Variants in C2CD3 observed in about 807,000 individuals in gnomAD.
C2CD3 encodes C2 domain containing 3 centriole elongation regulator.
In C2CD3, 148 loss-of-function variants were observed where a neutral mutation model predicts 234.0. The ratio of observed to expected loss-of-function variants is 0.63; its 90% CI spans 0.55 to 0.72. C2CD3 has a LOEUF of 0.72. C2CD3 is among the 30% of genes least tolerant of loss of function. The probability of loss-of-function intolerance (pLI) is 0.00; values close to 1 mark genes in which losing one functional copy is unlikely to be tolerated. For synonymous variants in C2CD3, 1,000 were observed against 1,035.4 expected, an observed-to-expected ratio of 0.97 and a Z score of 0.66; for missense variants, 2,577 against 2,811.5, an observed-to-expected ratio of 0.92 and a Z score of 1.89.
rs1045575615 is a variant in C2CD3 at position 74,148,580 on chromosome 11, G to A, written c.484-8752C>T. On this transcript the variant is annotated intron_variant, in intron 3 of 32. Transcript: ENST00000334126. ...AGTTGATTTCTTTTACAGCCAGTCT[G>A]CTTGACTCATTTATTTTTTTTGACA... 2.0e-5 allele frequency among the ~76,000 whole-genome samples: 3 copies of A among 152,064 alleles called. No individual in the cohort carries two copies. In the South Asian group the frequency reaches 6.2e-4, roughly 32 times the overall value.
chr11:74,157,254 G>A (rs909252039), intron 3 of C2CD3, among the ~76,000 whole-genome samples: 12 of 152,114 alleles, frequency 7.9e-5, no homozygotes, highest in African/African-American at 2.7e-4. Flanking sequence ...ATACTAGACT[G>A]AAGCATATAG....
chr11:74,051,852 T>C (rs1461728170), intron 26 of C2CD3, among the ~76,000 whole-genome samples: 1 of 152,200 alleles, frequency 6.6e-6, no homozygotes, highest in Non-Finnish European at 1.5e-5. Flanking sequence ...CCCTAGTACT[T>C]AGCATGGTGC....
At chr11:74,090,571 T>C (rs556228305) in intron 20 of C2CD3, among the ~76,000 whole-genome samples, 2 of 152,316 alleles carry the variant, frequency 1.3e-5, no homozygotes, top group Non-Finnish European at 2.9e-5. Flanking sequence ...TAAGACTAAG[T>C]TGTTAAGAAA....
intron 2 of C2CD3, among the ~76,000 whole-genome samples, chr11:74,165,792 C>T (rs1317499595): frequency 6.6e-6 from 1 of 152,088 alleles, no homozygotes; most frequent in East Asian, 1.9e-4. Context: ...GTAGCTGGGA[C>T]TACAGGTGTG....
intron 10 of C2CD3, 129 bp downstream of exon 10, chr11:74,114,255 T>C (rs1590842176): frequency 2.9e-6 from 2 of 694,336 alleles, no homozygotes; most frequent in South Asian, 1.8e-5. Context: ...GGATTCAATA[T>C]ATTTCTGTAG....
intron 3 of C2CD3, among the ~76,000 whole-genome samples, chr11:74,156,147 G>A (rs1268164474): frequency 2.6e-5 from 4 of 151,986 alleles, no homozygotes; most frequent in Admixed American, 6.6e-5. Flanking sequence ...GGTGGTGCAC[G>A]CCTGTAGTCC....
chr11:74,069,240 C>T (rs1954687209), intron 24 of C2CD3, among the ~76,000 whole-genome samples: 1 of 152,228 alleles, frequency 6.6e-6, no homozygotes, highest in South Asian at 2.1e-4. Context: ...AAGAAATCAG[C>T]TTGGGAGAGC....
At position 74,090,922 on chromosome 11, in the gene C2CD3, C is replaced by A. The variant is rs1265558237; in HGVS notation, c.3532G>T (p.Gly1178Cys). 1 of 1,613,876 alleles carries A rather than the reference C, an allele frequency of 6.2e-7. No homozygotes were observed. The highest frequency in any genetic ancestry group is 8.5e-7 in the Non-Finnish European group (1 of 1,179,928). ...RNQSSGLLDV[G>C]LRYRRSPRTA... ...CTTGGACTACGCCTGTACCTTAGGC[C>A]CACATCCAGTAAACCTGAAGAATGA... Residue 1178 changes from glycine to cysteine, a missense_variant, in exon 20 of 33, where the codon GGC (glycine) becomes TGC (cysteine). Gly to Cys is a radical substitution (Grantham distance 159). Coordinates refer to ENST00000334126, the MANE Select transcript of C2CD3 (RefSeq NM_001286577.2).
chr11:74,041,414 T>C (rs925587535), intron 29 of C2CD3, among the ~76,000 whole-genome samples: 3 of 152,156 alleles, frequency 2.0e-5, no homozygotes, highest in Non-Finnish European at 4.4e-5. Flanking sequence ...TCTTTAAATC[T>C]TTCCAGGAAC....
At chr11:74,129,628 C>A (rs11236011) in intron 7 of C2CD3, 3 of 146,774 alleles carry the variant, frequency 2.0e-5, no homozygotes, top group Non-Finnish European at 4.0e-5. Flanking sequence ...ACATCCCAGA[C>A]GATGGGCGGC....
At chr11:74,156,125 T>A (rs1855999833) in intron 3 of C2CD3, among the ~76,000 whole-genome samples, 1 of 151,890 alleles carries the variant, frequency 6.6e-6, no homozygotes, top group African/African-American at 2.4e-5. Flanking sequence ...ATACAAAAAA[T>A]TAGCTGGGCA....
At chr11:74,016,204 G>A (rs1448046874) in intron 32 of C2CD3, among the ~76,000 whole-genome samples, 1 of 152,188 alleles carries the variant, frequency 6.6e-6, no homozygotes, top group Non-Finnish European at 1.5e-5. Context: ...CAGCTAGAGA[G>A]AAGACAGACA....
intron 3 of C2CD3, among the ~76,000 whole-genome samples, chr11:74,146,247 A>G (rs959577285): frequency 1.3e-5 from 2 of 152,182 alleles, no homozygotes; most frequent in Admixed American, 1.3e-4. Flanking sequence ...TAGTGAATGC[A>G]GCAGAATTTG....
Position 74,120,442 on chromosome 11 carries a change from G to A in C2CD3, c.1366-2060C>T, listed in dbSNP as rs547478317. On this transcript the variant is annotated intron_variant, in intron 8 of 32. Transcript: ENST00000334126. The stretch of plus-strand genomic sequence containing the variant: ...GGTTTCCAGCTGCATCCATGTCCCT[G>A]CAAAGGACATGACCTCATCCTTTTT... Among the ~76,000 whole-genome samples, 3 of 152,248 alleles carry A rather than the reference G, an allele frequency of 2.0e-5. No homozygotes were observed. In the South Asian group the frequency reaches 6.2e-4, roughly 32 times the overall value.
Position 74,034,147 on chromosome 11 carries a change from C to G in C2CD3, c.6013G>C (p.Asp2005His). 6.5e-7 allele frequency: 1 copy of G among 1,536,232 alleles called. No individual in the cohort carries two copies. Among genetic ancestry groups the G allele is most frequent in the South Asian group, 1.2e-5 (1 of 84,056 alleles). ...TCTGGAGCTCTTACCAATGGCTCAT[C>G]TGGCATTGTGCATCGTTCTTGCAGT... ...EALQERCTMP[D>H]EPLVRAPDKG... Residue 2005 changes from aspartate to histidine, a missense_variant, in exon 31 of 33, where the codon GAT becomes CAT. By Grantham distance (81) the Asp-to-His change is moderately conservative (BLOSUM62 -1). Transcript: ENST00000334126.
At chr11:74,155,666 G>T (rs1192878885) in intron 3 of C2CD3, among the ~76,000 whole-genome samples, 1 of 152,114 alleles carries the variant, frequency 6.6e-6, no homozygotes, top group Admixed American at 6.5e-5. Context: ...TATTCCATCT[G>T]TATAAAATGT....
rs867048692 is a variant in C2CD3 at position 74,129,661 on chromosome 11, C to T, written c.1217+3183G>A. On this transcript the variant is annotated intron_variant, in intron 7 of 32. Coordinates refer to ENST00000334126, the MANE Select transcript of C2CD3 (RefSeq NM_001286577.2). ...GGCCAGGCAGAGACGCTCCTCACTT[C>T]CCAGACGGGGTGGCGGCCGGGCAGA... 5.1e-3 allele frequency: 859 copies of T among 168,262 alleles called. 5 individuals carry two copies. The highest frequency in any genetic ancestry group is 7.6e-3 in the Non-Finnish European group (633 of 82,884). 10.4% of individuals were successfully genotyped at this position (168,262 alleles called of 1,614,324 possible).
chr11:74,039,936 C>T (rs1170109555), intron 29 of C2CD3, among the ~76,000 whole-genome samples: 2 of 152,218 alleles, frequency 1.3e-5, no homozygotes, highest in Non-Finnish European at 2.9e-5. Context: ...AGCCTACAAT[C>T]TCTAGCACCT....
At chr11:74,062,110 T>C (rs534190503) in intron 24 of C2CD3, among the ~76,000 whole-genome samples, 4 of 152,148 alleles carry the variant, frequency 2.6e-5, no homozygotes, top group South Asian at 2.1e-4. Context: ...ACAGGAGCAC[T>C]CAGATTCATA....
Sources: allele counts gnomAD v4.1 joint callset (sites outside exome capture counted in the v4.1 genomes callset), GRCh38; gene constraint gnomAD v4.1.1; transcripts MANE v1.5; gene names NCBI Gene and HGNC (gene_info 2026-07-23, HGNC 2026-07-21).